PRKAR1B: variants seen among roughly 807,000 people sequenced by gnomAD.
PRKAR1B encodes protein kinase cAMP-dependent type I regulatory subunit beta.
PRKAR1B carries 22 observed loss-of-function variants against 46.5 expected under a neutral mutation model. That is an observed-to-expected ratio of 0.47 (90% CI 0.34 to 0.68). PRKAR1B has a LOEUF of 0.68. PRKAR1B is among the 30% of genes least tolerant of loss of function. The pLI is 0.01. For missense variants in PRKAR1B, 445 were observed against 535.6 expected (o/e 0.83, Z 1.67); for synonymous variants, 259 against 217.7 (o/e 1.19, Z -1.67).
At chr7:668,356 T>C (rs542698525) in intron 4 of PRKAR1B, among the ~76,000 whole-genome samples, 1 of 152,244 alleles carries the variant, frequency 6.6e-6, no homozygotes, top group Admixed American at 6.5e-5. Context: ...AGGGGAGACA[T>C]CACGTGAAAG....
intron 9 of PRKAR1B, among the ~76,000 whole-genome samples, chr7:563,657 G>A (rs1020228542): frequency 6.6e-6 from 1 of 152,154 alleles, no homozygotes; most frequent in Non-Finnish European, 1.5e-5. Context: ...ACAGAAGTCT[G>A]TGTGAGCATG....
At chr7:555,939 G>A (rs1778399178) in intron 9 of PRKAR1B, among the ~76,000 whole-genome samples, 1 of 152,172 alleles carries the variant, frequency 6.6e-6, no homozygotes, top group African/African-American at 2.4e-5. Context: ...CTCAATGCAT[G>A]ACCAGATGCC....
intron 2 of PRKAR1B, among the ~76,000 whole-genome samples, chr7:682,253 T>G (rs920781160): frequency 2.0e-5 from 3 of 152,162 alleles, no homozygotes; most frequent in Admixed American, 1.3e-4. Context: ...GGGACTCATC[T>G]GTGAGGGGAA....
intron 9 of PRKAR1B, among the ~76,000 whole-genome samples, chr7:575,911 T>C (rs541423205): frequency 2.6e-5 from 4 of 152,316 alleles, no homozygotes; most frequent in African/African-American, 7.2e-5. Context: ...AGCTGTCGGT[T>C]TGCAATCCTC....
At chr7:727,394 C>T, upstream of PRKAR1B, 1 of 796,628 alleles carries the variant, frequency 1.3e-6, no homozygotes, top group Non-Finnish European at 1.6e-6. Flanking sequence ...CCTCTCACAA[C>T]CCCCGCGGCT....
In PRKAR1B at chr7:594,984, A is replaced by G. The variant is rs142506490; in HGVS notation, c.708+1162T>C. Among the ~76,000 whole-genome samples, 1,122 of 152,332 alleles carry G rather than the reference A, an allele frequency of 7.4e-3. 20 individuals are homozygous for G. The highest frequency in any genetic ancestry group is 0.026 in the African/African-American group (1,061 of 41,566). On this transcript the variant is annotated intron_variant, in intron 7 of 10. Transcript: ENST00000537384. Reference sequence around the variant, plus strand: ...GCCGCACGGGGTGCTGTCTACGCTCACTGGATGGCCCCAAACCGGCCCAGG... The same window carrying G: ...GCCGCACGGGGTGCTGTCTACGCTCGCTGGATGGCCCCAAACCGGCCCAGG...
intron 2 of PRKAR1B, among the ~76,000 whole-genome samples, chr7:711,119 A>G (rs561795711): frequency 5.3e-5 from 8 of 152,246 alleles, no homozygotes; most frequent in African/African-American, 1.9e-4. Flanking sequence ...GACCCCACCT[A>G]GAGGCATGAA....
At chr7:565,445 C>G (rs928453940) in intron 9 of PRKAR1B, 2 of 152,244 alleles carry the variant, frequency 1.3e-5, no homozygotes, top group African/African-American at 4.8e-5. Context: ...GCTGCCTCAG[C>G]CCCCTTCAAA....
intron 9 of PRKAR1B, among the ~76,000 whole-genome samples, chr7:552,984 C>G (rs548046389): frequency 6.6e-6 from 1 of 152,384 alleles, no homozygotes; most frequent in African/African-American, 2.4e-5. Context: ...CACAGGGCAC[C>G]GCCGCAGCAC....
chr7:583,198 G>A lies in PRKAR1B; in HGVS notation c.769+1310C>T, dbSNP rs551410412. Among the ~76,000 whole-genome samples, 10 of 152,220 alleles carry A rather than the reference G, an allele frequency of 6.6e-5. No homozygotes were observed. The East Asian group carries it at 1.2e-3, about 18-fold the overall frequency. ...ATGCGCTTCCGGGAAAGGTCAAAAC[G>A]GTCGGCGTGCTGTGACGTGCATTTT... On this transcript the variant is annotated intron_variant, in intron 8 of 10. Coordinates refer to ENST00000537384, the MANE Select transcript of PRKAR1B (RefSeq NM_001164760.2).
intron 4 of PRKAR1B, among the ~76,000 whole-genome samples, chr7:620,213 A>G (rs993084555): frequency 6.6e-6 from 1 of 152,180 alleles, no homozygotes; most frequent in Non-Finnish European, 1.5e-5. Flanking sequence ...TTTGAAGTGG[A>G]GCTGCTTTGA....
At chr7:620,106 A>G (rs887013176) in intron 4 of PRKAR1B, among the ~76,000 whole-genome samples, 2 of 150,398 alleles carry the variant, frequency 1.3e-5, no homozygotes, top group Non-Finnish European at 1.5e-5. Context: ...CTCCCACCTC[A>G]GCCTCCCAAA....
At chr7:655,720 A>G (rs1385119782) in intron 4 of PRKAR1B, among the ~76,000 whole-genome samples, 3 of 152,140 alleles carry the variant, frequency 2.0e-5, no homozygotes, top group East Asian at 3.8e-4. Flanking sequence ...CTCACTAAAC[A>G]TTTGTTGAAT....
chr7:584,505 G>A lies in PRKAR1B; in HGVS notation c.769+3C>T. 6.2e-7 allele frequency: 1 copy of A among 1,613,668 alleles called. No individual in the cohort carries two copies. Among genetic ancestry groups the A allele is most frequent in the Non-Finnish European group, 8.5e-7 (1 of 1,179,810 alleles). On this transcript the variant is annotated splice_donor_region_variant and intron_variant, in intron 8 of 10. Transcript: ENST00000537384. The stretch of plus-strand genomic sequence containing the variant: ...ACAGCCGTGCAGGGGCGCAGCCACT[G>A]ACCTAGGATGGAGACCTTGCTGAGG...
rs554316042 is a variant in PRKAR1B at position 644,293 on chromosome 7, G to A, written c.440+32936C>T. Among the ~76,000 whole-genome samples the A allele has an allele frequency of 6.6e-6, 1 of 152,114 alleles. No individual in the cohort carries two copies. Among genetic ancestry groups the A allele is most frequent in the Non-Finnish European group, 1.5e-5 (1 of 68,022 alleles). On this transcript the variant is annotated intron_variant, in intron 4 of 10. Transcript: ENST00000537384. The surrounding 1 kb of genome is among the most constrained non-coding windows in gnomAD (Gnocchi z 4.9). ...CCGTGATGCTCTTAAAATCCTGCTGGAATCACTCACTCCCGGCTCCTGCTC... is the reference window on the plus strand; with the variant it reads ...CCGTGATGCTCTTAAAATCCTGCTGAAATCACTCACTCCCGGCTCCTGCTC...
In PRKAR1B at chr7:640,958, A is replaced by G. The variant is rs548005084; in HGVS notation, c.441-33506T>C. Among the ~76,000 whole-genome samples the G allele has an allele frequency of 2.3e-4, 35 of 152,086 alleles. 1 individual carries two copies. In the East Asian group the frequency reaches 6.8e-3, roughly 29 times the overall value. ...GGTGCAGCCACTTTGGAAAAGAGAC[A>G]ATTCTTTTTTTTTTGTTTTGAGTCT... is the stretch of plus-strand genomic sequence containing the variant. On this transcript the variant is annotated intron_variant, in intron 4 of 10. Transcript: ENST00000537384.
chr7:584,225 G>C (rs1780470947), intron 8 of PRKAR1B, among the ~76,000 whole-genome samples: 1 of 152,212 alleles, frequency 6.6e-6, no homozygotes, highest in South Asian at 2.1e-4. Flanking sequence ...TGACAGCAAA[G>C]GGAGAAGCAG....
chr7:726,265 C>T (rs928527259), intron 1 of PRKAR1B, among the ~76,000 whole-genome samples: 47 of 152,322 alleles, frequency 3.1e-4, no homozygotes, highest in African/African-American at 9.6e-4. Flanking sequence ...ACAGGGGGAT[C>T]CAGTCCACAG....
At chr7:561,301 G>A (rs1182615396) in intron 9 of PRKAR1B, among the ~76,000 whole-genome samples, 1 of 152,162 alleles carries the variant, frequency 6.6e-6, no homozygotes, top group East Asian at 1.9e-4. Context: ...CATCCACAGA[G>A]GATGCAAGCA....
Sources: allele counts gnomAD v4.1 joint callset (sites outside exome capture counted in the v4.1 genomes callset), GRCh38; gene constraint gnomAD v4.1.1; non-coding constraint Gnocchi (gnomAD v3.1); transcripts MANE v1.5; gene names NCBI Gene and HGNC (gene_info 2026-07-23, HGNC 2026-07-21).